Variants in FARP2 observed in about 807,000 individuals in gnomAD.
The protein encoded by FARP2 is FERM, ARHGEF and pleckstrin domain-containing protein 2.
Under a neutral mutation model 130.5 loss-of-function variants are expected in FARP2, and 111 were observed. The ratio of observed to expected loss-of-function variants is 0.85; its 90% CI spans 0.73 to 1.00. The LOEUF is 1.00. Among genes scored for constraint, FARP2 ranks in the 50% least tolerant of loss-of-function variants. The pLI is 0.00. For synonymous variants in FARP2, 504 were observed against 516.9 expected (o/e 0.98, Z 0.34); for missense variants, 1,385 against 1,346.3 (o/e 1.03, Z -0.45).
chr2:241,367,456 A>G (rs1319416605), intron 1 of FARP2, among the ~76,000 whole-genome samples: 1 of 152,134 alleles, frequency 6.6e-6, no homozygotes, highest in Non-Finnish European at 1.5e-5. Flanking sequence ...ATAAAGAAGG[A>G]TCCGTCTCTT....
chr2:241,376,898 G>A (rs562469374), intron 2 of FARP2, among the ~76,000 whole-genome samples: 2 of 152,356 alleles, frequency 1.3e-5, no homozygotes, highest in South Asian at 4.1e-4. Context: ...TTCTGGGAAG[G>A]AAAGGCTGTA....
At chr2:241,423,013 A>C (rs2062849467) in intron 8 of FARP2, among the ~76,000 whole-genome samples, 1 of 152,208 alleles carries the variant, frequency 6.6e-6, no homozygotes, top group African/African-American at 2.4e-5. Flanking sequence ...AGACAGGGAG[A>C]ATGGAATCAA....
chr2:241,399,001 G>A (rs2150340812), intron 2 of FARP2, among the ~76,000 whole-genome samples: 1 of 152,302 alleles, frequency 6.6e-6, no homozygotes, highest in South Asian at 2.1e-4. Flanking sequence ...TTTCCAAAGA[G>A]ATAATACAAA....
At position 241,398,572 on chromosome 2, in the gene FARP2, C is replaced by CTT. The variant is rs35797376; in HGVS notation, c.184-5242_184-5241dup. Among the ~76,000 whole-genome samples the CTT allele has an allele frequency of 7.1e-3, 993 of 139,334 alleles. 32 individuals are homozygous for CTT. In the South Asian group the frequency reaches 0.075, roughly 11 times the overall value. The allele number at this position is 139,334 out of a possible 152,430, so 91.4% of individuals were successfully genotyped here. ...TATGAGTAAAGCTTCTGTGAACATT[C>CTT]TTTTTTTTTTTTTTTGAGACAGAGT... On this transcript the variant is annotated intron_variant, in intron 2 of 26. Coordinates refer to ENST00000264042, the MANE Select transcript of FARP2 (RefSeq NM_014808.4).
intron 8 of FARP2, among the ~76,000 whole-genome samples, chr2:241,428,750 C>T (rs776550186): frequency 1.3e-5 from 2 of 151,970 alleles, no homozygotes; most frequent in African/African-American, 2.4e-5. Flanking sequence ...AATTTCAGAA[C>T]GTTTTCATCA....
At chr2:241,390,696 CATTTTTATTA>C (rs2061885288) in intron 2 of FARP2, among the ~76,000 whole-genome samples, 1 of 151,880 alleles carries the variant, frequency 6.6e-6, no homozygotes, top group African/African-American at 2.4e-5. Context: ...AATTTTTTCC[CATTTTTATTA>C]ATTTTTATAC....
chr2:241,483,278 G>A (rs2064662163), intron 19 of FARP2, among the ~76,000 whole-genome samples, 187 bp from the exon 20 acceptor site: 1 of 152,244 alleles, frequency 6.6e-6, no homozygotes, highest in South Asian at 2.1e-4. Context: ...ACCAAGACAG[G>A]ACCTGGTGAC....
chr2:241,399,950 A>G (rs372808011), intron 2 of FARP2, among the ~76,000 whole-genome samples: 10 of 152,104 alleles, frequency 6.6e-5, no homozygotes, highest in African/African-American at 2.4e-4. Flanking sequence ...ACACATACAT[A>G]TGTTTGTTTG....
At chr2:241,491,828 G>C (rs1375487096) in intron 24 of FARP2, 149 bp downstream of exon 24, 2 of 729,018 alleles carry the variant, frequency 2.7e-6, no homozygotes, top group Non-Finnish European at 4.3e-6. Context: ...GTAGAAGTTG[G>C]TATGGAAAGT....
intron 13 of FARP2, chr2:241,456,450 A>C: frequency 3.3e-6 from 1 of 306,710 alleles, no homozygotes; most frequent in Middle Eastern, 9.2e-4. Flanking sequence ...TGCAGAGCCC[A>C]AAAGAAGCCC....
intron 1 of FARP2, chr2:241,372,560 G>A (rs899654090): frequency 2.6e-5 from 4 of 152,274 alleles, no homozygotes; most frequent in African/African-American, 9.6e-5. Context: ...AAGAACAGCT[G>A]CACGAATGCC....
intron 8 of FARP2, among the ~76,000 whole-genome samples, chr2:241,420,781 A>C (rs888747581): frequency 1.3e-5 from 2 of 152,142 alleles, no homozygotes; most frequent in African/African-American, 4.8e-5. Flanking sequence ...TAGGAACCCA[A>C]CCCCAGCAGA....
intron 10 of FARP2, 73 bp from the exon 11 acceptor site, chr2:241,434,889 C>G: frequency 3.3e-6 from 3 of 920,404 alleles, no homozygotes; most frequent in Non-Finnish European, 3.5e-6. Flanking sequence ...TAAATCTTTT[C>G]TTTTGTCTTT....
chr2:241,405,025 T>G (rs1379781937), intron 4 of FARP2, among the ~76,000 whole-genome samples, 184 bp downstream of exon 4: 1 of 152,222 alleles, frequency 6.6e-6, no homozygotes, highest in Non-Finnish European at 1.5e-5. Flanking sequence ...ACTCAGAAGA[T>G]TCTAGGTGAC....
intron 2 of FARP2, among the ~76,000 whole-genome samples, chr2:241,387,790 CAA>C (rs200728771): frequency 0.022 from 2,059 of 93,876 alleles, 10 homozygotes; most frequent in Non-Finnish European, 0.033. Flanking sequence ...GAGACTGTCT[CAA>C]AAAAAAAAAA....
Position 241,456,934 on chromosome 2 carries a change from G to C in FARP2, c.1587+12G>C. The C allele has an allele frequency of 6.3e-7, 1 of 1,575,534 alleles. No individual in the cohort carries two copies. The highest frequency in any genetic ancestry group is 8.6e-7 in the Non-Finnish European group (1 of 1,160,816). ...AGCCCAGACACAAGGTGGGCCCCTC[G>C]AGGCTGAGAAGCTAGCAGAGGGTTG... On this transcript the variant is annotated intron_variant, in intron 14 of 26. Transcript: ENST00000264042.
At chr2:241,359,480 C>T (rs1334553129) in intron 1 of FARP2, among the ~76,000 whole-genome samples, 4 of 152,192 alleles carry the variant, frequency 2.6e-5, no homozygotes, top group Non-Finnish European at 5.9e-5. Flanking sequence ...GCCACCTCCC[C>T]ACCTCCCCTC....
chr2:241,490,334 G>A (rs960863200), intron 22 of FARP2, among the ~76,000 whole-genome samples: 2 of 152,164 alleles, frequency 1.3e-5, no homozygotes, highest in African/African-American at 2.4e-5. Flanking sequence ...AAGACAGGAC[G>A]GGTGAGTGGG....
chr2:241,445,893 G>C (rs2063503394), intron 13 of FARP2: 1 of 152,272 alleles, frequency 6.6e-6, no homozygotes, highest in South Asian at 2.1e-4. Context: ...CTTACCCATG[G>C]GTCACCGTCA....
Sources: allele counts gnomAD v4.1 joint callset (sites outside exome capture counted in the v4.1 genomes callset), GRCh38; gene constraint gnomAD v4.1.1; transcripts MANE v1.5; gene names NCBI Gene and HGNC (gene_info 2026-07-23, HGNC 2026-07-21).